TMEM132E: variants seen among roughly 807,000 people sequenced by gnomAD.
TMEM132E encodes the protein transmembrane protein 132E.
A neutral mutation model predicts 78.5 loss-of-function variants in TMEM132E; 49 were observed. The observed-to-expected ratio is 0.62, with a 90% CI of 0.50 to 0.79. TMEM132E has a LOEUF of 0.79. Among genes scored for constraint, TMEM132E ranks in the 30% least tolerant of loss-of-function variants. The probability of loss-of-function intolerance (pLI) is 0.00; values close to 1 mark genes in which losing one functional copy is unlikely to be tolerated. For synonymous variants in TMEM132E, 715 were observed against 670.6 expected (o/e 1.07, Z -1.02); for missense variants, 1,403 against 1,470.9 (o/e 0.95, Z 0.75).
At chr17:34,623,708 AGTGAGTCT>A (rs1485371288) in intron 1 of TMEM132E, among the ~76,000 whole-genome samples, 1 of 152,228 alleles carries the variant, frequency 6.6e-6, no homozygotes, top group Non-Finnish European at 1.5e-5. Context: ...CAACTTGCAC[AGTGAGTCT>A]GTGGCAGGGA....
Position 34,626,959 on chromosome 17 carries a change from C to T in TMEM132E, c.900C>T (p.Asp300=), listed in dbSNP as rs1223548890. ...GCAACCTGATGATCCGCCTGCCAGACCGGCCCCTCAAGCCCGGGGAAGTGC... is the reference window on the plus strand; with the variant it reads ...GCAACCTGATGATCCGCCTGCCAGATCGGCCCCTCAAGCCCGGGGAAGTGC... ...LDSNLMIRLP[D]RPLKPGEVLS... The change falls in exon 2 of 9, where the codon GAC becomes GAT. Residue 300 remains aspartate, a synonymous_variant. Transcript: ENST00000631683. The T allele has an allele frequency of 1.2e-6, 2 of 1,613,938 alleles. No homozygotes were observed. Among genetic ancestry groups the T allele is most frequent in the Non-Finnish European group, 1.7e-6 (2 of 1,180,034 alleles).
chr17:34,635,715 C>T, intron 7 of TMEM132E: 1 of 320,180 alleles, frequency 3.1e-6, no homozygotes, highest in Non-Finnish European at 5.7e-6. Context: ...ATTGAGGTTG[C>T]ACATCAATTG....
chr17:34,605,729 C>A (rs893935775), intron 1 of TMEM132E, among the ~76,000 whole-genome samples: 1 of 152,146 alleles, frequency 6.6e-6, no homozygotes, highest in Non-Finnish European at 1.5e-5. Context: ...TCTCGTGAGT[C>A]GACCAGATGT....
chr17:34,618,787 C>T (rs748242375), intron 1 of TMEM132E, among the ~76,000 whole-genome samples: 15 of 152,138 alleles, frequency 9.9e-5, no homozygotes, highest in African/African-American at 1.9e-4. Context: ...CCCACTGCAA[C>T]GCTCTGCTCC....
chr17:34,636,140 G>A lies in TMEM132E; in HGVS notation c.2111G>A (p.Ser704Asn), dbSNP rs767172844. The A allele has an allele frequency of 1.9e-6, 3 of 1,586,736 alleles. No individual in the cohort carries two copies. Among genetic ancestry groups the A allele is most frequent in the South Asian group, 2.3e-5 (2 of 87,440 alleles). Residue 704 changes from serine (S) to asparagine (N), a missense_variant, in exon 8 of 9, where the codon AGC (serine) becomes AAC (asparagine). Ser to Asn is a conservative substitution (Grantham distance 46). This residue lies in a region of TMEM132E where 888 missense variants were observed against 952.8 expected (regional missense o/e 0.93). Transcript: ENST00000631683. ...LALSLRPSPG[S>N]SHTILATTAA... Reference sequence around the variant, plus strand: ...CTCTCCCTGCGGCCCAGCCCTGGGAGCAGCCACACCATCCTAGCCACCACA... The same window carrying A: ...CTCTCCCTGCGGCCCAGCCCTGGGAACAGCCACACCATCCTAGCCACCACA...
At chr17:34,583,901 G>A (rs558813544) in intron 1 of TMEM132E, among the ~76,000 whole-genome samples, 6 of 152,192 alleles carry the variant, frequency 3.9e-5, no homozygotes, top group Non-Finnish European at 8.8e-5. Flanking sequence ...AGGCAGAGTG[G>A]TGTGTTTGGG....
intron 1 of TMEM132E, among the ~76,000 whole-genome samples, chr17:34,623,411 C>G (rs80163583): frequency 4.7e-5 from 5 of 106,712 alleles, no homozygotes; most frequent in Admixed American, 2.0e-4. Context: ...TCCCCCCCCC[C>G]CCCCCGTCCC....
chr17:34,636,365 T>A (rs1807948300), intron 8 of TMEM132E, among the ~76,000 whole-genome samples, 167 bp downstream of exon 8: 2 of 152,148 alleles, frequency 1.3e-5, no homozygotes, highest in South Asian at 4.1e-4. Context: ...CCACAACATC[T>A]ACATGGGAGG....
At chr17:34,629,705 T>G (rs959851018) in intron 4 of TMEM132E, among the ~76,000 whole-genome samples, 2 of 152,146 alleles carry the variant, frequency 1.3e-5, no homozygotes, top group African/African-American at 4.8e-5. Context: ...TGTTACTGTG[T>G]GAGTCCTGAG....
chr17:34,622,413 G>GGCT (rs1326562378), intron 1 of TMEM132E, among the ~76,000 whole-genome samples: 1 of 152,230 alleles, frequency 6.6e-6, no homozygotes, highest in Non-Finnish European at 1.5e-5. Flanking sequence ...TGATGGGAGA[G>GGCT]GCTGCTGTGG....
intron 1 of TMEM132E, among the ~76,000 whole-genome samples, chr17:34,616,010 G>A (rs942334443): frequency 6.6e-6 from 1 of 152,202 alleles, no homozygotes; most frequent in Non-Finnish European, 1.5e-5. Flanking sequence ...AACTGAGGTG[G>A]GGGATGTGAA....
rs771938200 is a variant in TMEM132E at position 34,581,030 on chromosome 17, G to C, written c.-47G>C. The stretch of plus-strand genomic sequence containing the variant: ...ACCAAGCCCAGCCTGGGGCCAAGTC[G>C]TCGTCGACTGTTGCTCTCTCGGACC... On this transcript the variant is annotated 5_prime_UTR_variant, in exon 1 of 9. Transcript: ENST00000631683. 2.0e-6 allele frequency: 3 copies of C among 1,494,852 alleles called. No homozygotes were observed. Among genetic ancestry groups the C allele is most frequent in the Middle Eastern group, 3.5e-4 (2 of 5,720 alleles). 92.6% of individuals were successfully genotyped at this position (1,494,852 alleles called of 1,614,324 possible). A position where few individuals can be genotyped will look rare whatever the true frequency, so the allele number is the denominator to read the frequency against.
At chr17:34,592,775 A>G (rs1905919622) in intron 1 of TMEM132E, among the ~76,000 whole-genome samples, 1 of 152,208 alleles carries the variant, frequency 6.6e-6, no homozygotes, top group South Asian at 2.1e-4. Context: ...TATCATTGGC[A>G]TCAAGGAACA....
chr17:34,626,506 C>T lies in TMEM132E; in HGVS notation c.447C>T (p.Ala149=), dbSNP rs1343611376. Residue 149 remains alanine (A), a synonymous_variant, in exon 2 of 9, where the codon GCC becomes GCT. Transcript: ENST00000631683. ...QPVVQVLFYV[A]GRDWDDFGVT... ...TGGTCCAGGTGCTGTTCTACGTAGC[C>T]GGCCGGGACTGGGACGACTTCGGCG... The T allele has an allele frequency of 5.0e-6, 8 of 1,609,772 alleles. No homozygotes were observed. In the Admixed American group the frequency reaches 1.0e-4, roughly 20 times the overall value.
intron 1 of TMEM132E, among the ~76,000 whole-genome samples, chr17:34,599,676 A>AT (rs887539886): frequency 2.8e-5 from 4 of 143,260 alleles, no homozygotes; most frequent in Non-Finnish European, 3.2e-5. Context: ...TATTATTATC[A>AT]TTTTTTTTAT....
At chr17:34,601,130 A>G (rs538158416) in intron 1 of TMEM132E, among the ~76,000 whole-genome samples, 42 of 152,326 alleles carry the variant, frequency 2.8e-4, no homozygotes, top group African/African-American at 9.9e-4. Context: ...GGAGATCTCA[A>G]TTTGATTCTT....
At chr17:34,608,766 C>T (rs1008614255) in intron 1 of TMEM132E, among the ~76,000 whole-genome samples, 2 of 152,204 alleles carry the variant, frequency 1.3e-5, no homozygotes, top group South Asian at 2.1e-4. Flanking sequence ...GACAGGGGAG[C>T]AGGTGGCCTT....
chr17:34,605,087 G>A (rs528722049), intron 1 of TMEM132E, among the ~76,000 whole-genome samples: 2 of 152,260 alleles, frequency 1.3e-5, no homozygotes, highest in South Asian at 2.1e-4. Flanking sequence ...CTGTGATTTC[G>A]TAGGCTGCAC....
Position 34,626,899 on chromosome 17 carries a change from C to T in TMEM132E, c.840C>T (p.Pro280=), listed in dbSNP as rs754189283. ...GGAGCATCAGCCTGTTCCGCCCGCCCCCCAGGAGGACCCTGCAGGAGCACA... is the reference window on the plus strand; with the variant it reads ...GGAGCATCAGCCTGTTCCGCCCGCCTCCCAGGAGGACCCTGCAGGAGCACA... The part of the protein sequence containing the change: ...RIGSISLFRP[P]PRRTLQEHRL... Residue 280 remains proline (P), a synonymous_variant, in exon 2 of 9, where the codon CCC becomes CCT. Coordinates refer to ENST00000631683, the MANE Select transcript of TMEM132E (RefSeq NM_001304438.2). 1.9e-6 allele frequency: 3 copies of T among 1,613,170 alleles called. No individual in the cohort carries two copies. The highest frequency in any genetic ancestry group is 2.5e-6 in the Non-Finnish European group (3 of 1,179,940).
Sources: gnomAD v4.1 joint callset for allele counts (sites outside exome capture counted in the v4.1 genomes callset) on GRCh38, gnomAD v4.1.1 for gene constraint, gnomAD v4.1.1 regional missense constraint, MANE v1.5 for transcripts, NCBI Gene and HGNC (gene_info 2026-07-23, HGNC 2026-07-21) for gene names.